FASTKD1: variants seen among roughly 807,000 people sequenced by gnomAD.
FASTKD1 encodes FAST kinase domains 1, also known as FAST kinase domain-containing protein 1, mitochondrial.
A neutral mutation model predicts 90.9 loss-of-function variants in FASTKD1; 94 were observed. The ratio of observed to expected loss-of-function variants is 1.03; its 90% confidence interval spans 0.88 to 1.23. The LOEUF (loss-of-function observed/expected upper bound fraction) is 1.23, where lower values mean the gene tolerates loss of function less well. Ranked by LOEUF, FASTKD1 falls within the 50% of genes most tolerant of loss-of-function variation. The pLI is 0.00. For synonymous variants in FASTKD1, 319 were observed against 345.8 expected, an observed-to-expected ratio of 0.92 and a Z score of 0.86; for missense variants, 945 against 993.5, an observed-to-expected ratio of 0.95 and a Z score of 0.66.
At chr2:169,569,361 T>A in intron 2 of FASTKD1, 109 bp from the exon 3 acceptor site, 1 of 1,008,768 alleles carries the variant, frequency 9.9e-7, no homozygotes, top group South Asian at 1.3e-5. Flanking sequence ...TTTCCTCTTA[T>A]ACAGGCAGTC....
At chr2:169,556,967 A>C (rs531295098) in intron 6 of FASTKD1, among the ~76,000 whole-genome samples, 80 of 152,222 alleles carry the variant, frequency 5.3e-4, no homozygotes, top group Admixed American at 5.9e-4. Flanking sequence ...AGATAGTGCC[A>C]CTGCACTCCA....
chr2:169,537,894 G>A (rs904194680), intron 11 of FASTKD1, 119 bp downstream of exon 11: 1 of 806,020 alleles, frequency 1.2e-6, no homozygotes, highest in South Asian at 1.9e-5. Context: ...ATATTAAACA[G>A]GTCATGGCAC....
chr2:169,565,509 G>A (rs1254297858), intron 3 of FASTKD1, among the ~76,000 whole-genome samples: 2 of 151,772 alleles, frequency 1.3e-5, no homozygotes, highest in East Asian at 1.9e-4. Flanking sequence ...TGATCCGCCC[G>A]CCTTGTCCTC....
At chr2:169,554,278 TAAAAAAAAAAAAAAAAAAAAAA>T (rs58641456) in intron 7 of FASTKD1, among the ~76,000 whole-genome samples, 7 of 29,782 alleles carry the variant, frequency 2.4e-4, no homozygotes, top group African/African-American at 3.3e-4. Flanking sequence ...ACCCTGTCTC[TAAAAAAAAAAAAAAAAAAAAAA>T]AAAAAAAAAA....
intron 3 of FASTKD1, 101 bp from the exon 4 acceptor site, chr2:169,563,451 C>A: frequency 1.2e-6 from 1 of 852,716 alleles, no homozygotes; most frequent in Non-Finnish European, 1.6e-6. Context: ...TAGTAAATTA[C>A]ATAAAATTTT....
rs192593409 is a variant in FASTKD1, at chr2:169,560,596, G to A, written c.762C>T (p.Asn254=). The A allele has an allele frequency of 2.1e-5, 34 of 1,607,872 alleles. 1 individual carries two copies. Among genetic ancestry groups the A allele is most frequent in the East Asian group, 2.0e-4 (9 of 44,702 alleles). ...GGTGGTCCACATTACTTAAAAATAC[G>A]TTATTACATCTTTCTAATAGTGGTT... ...RYQPLLERCN[N]VFLSNVDHLD... is the part of the protein sequence containing the mutation. Residue 254 remains asparagine, a synonymous_variant, in exon 5 of 15, where the codon AAC becomes AAT. Coordinates refer to ENST00000453153, the MANE Select transcript of FASTKD1 (RefSeq NM_024622.6).
chr2:169,571,975 T>C lies in FASTKD1; in HGVS notation c.55A>G (p.Arg19Gly). 1 of 1,612,018 alleles carries C rather than the reference T, an allele frequency of 6.2e-7. No individual in the cohort carries two copies. Among genetic ancestry groups the C allele is most frequent in the South Asian group, 1.1e-5 (1 of 90,460 alleles). The part of the protein sequence containing the change: ...ESLVTNMLRL[R>G]AICPFSWRVF... ...CTCCAGGAGAATGGACAAATAGCTC[T>C]TAGACGAAGCATATTTGTAACCAAT... is the stretch of plus-strand genomic sequence containing the variant. Residue 19 changes from arginine to glycine, a missense_variant, in exon 2 of 15, where the codon AGA becomes GGA. By Grantham distance (125) the Arg-to-Gly change is moderately radical. Transcript: ENST00000453153.
chr2:169,571,666 A>G lies in FASTKD1; in HGVS notation c.364T>C (p.Tyr122His), dbSNP rs113689973. 6.4e-4 allele frequency: 1,024 copies of G among 1,595,814 alleles called. 6 individuals carry two copies. In the African/African-American group the frequency reaches 0.012, roughly 18 times the overall value. Residue 122 changes from tyrosine to histidine, a missense_variant, in exon 2 of 15, where the codon TAC becomes CAC. By Grantham distance (83) the Tyr-to-His change is moderately conservative. Coordinates refer to ENST00000453153, the MANE Select transcript of FASTKD1 (RefSeq NM_024622.6). ...TAAATTACTTACTGTTGTGTGACGT[A>G]TAACACATTCACCAGGGTATCGTCA... ...MNDDTLVNVLYVTQQFAGEAH... is the reference protein window; with the variant it reads ...MNDDTLVNVLHVTQQFAGEAH...
chr2:169,541,808 G>A (rs1684969381), intron 9 of FASTKD1, among the ~76,000 whole-genome samples: 1 of 152,084 alleles, frequency 6.6e-6, no homozygotes, highest in Non-Finnish European at 1.5e-5. Context: ...AAGATCTGAG[G>A]AAACCAGTCT....
chr2:169,538,220 C>A, intron 10 of FASTKD1, 79 bp from the exon 11 acceptor site: 1 of 1,193,598 alleles, frequency 8.4e-7, no homozygotes, highest in Non-Finnish European at 1.2e-6. Flanking sequence ...ATTCATTTAT[C>A]CCCACTATTA....
intron 3 of FASTKD1, among the ~76,000 whole-genome samples, chr2:169,564,017 A>G (rs1330393171): frequency 1.3e-5 from 2 of 152,178 alleles, no homozygotes; most frequent in Non-Finnish European, 2.9e-5. Flanking sequence ...TTTGGGTGAG[A>G]GGACTAGAAG....
chr2:169,555,268 G>A lies in FASTKD1; in HGVS notation c.1083-13C>T, dbSNP rs199891036. On this transcript the variant is annotated splice_polypyrimidine_tract_variant and intron_variant, in intron 6 of 14. Transcript: ENST00000453153. ...AACTGAAGTAACTCTAAAAAGGATA[G>A]AGCATATATTATAACCAGTTCATTC... The A allele has an allele frequency of 4.1e-5, 66 of 1,597,952 alleles. No homozygotes were observed. The African/African-American group carries it at 8.2e-4, about 20-fold the overall frequency.
At chr2:169,548,357 C>T (rs2105369051) in intron 7 of FASTKD1, among the ~76,000 whole-genome samples, 1 of 151,570 alleles carries the variant, frequency 6.6e-6, no homozygotes, top group East Asian at 1.9e-4. Context: ...CATAGTTGAC[C>T]TCATTCTCTA....
intron 3 of FASTKD1, among the ~76,000 whole-genome samples, chr2:169,564,435 A>T (rs930427268): frequency 1.8e-4 from 28 of 152,052 alleles, no homozygotes; most frequent in East Asian, 5.8e-4. Flanking sequence ...TAAAAAAAAA[A>T]TTTTTTTTGT....
chr2:169,572,563 T>A (rs200035482), intron 1 of FASTKD1, among the ~76,000 whole-genome samples: 11 of 141,040 alleles, frequency 7.8e-5, no homozygotes, highest in Non-Finnish European at 1.4e-4. Flanking sequence ...TTTTTTTTTT[T>A]AATTTTTCAG....
intron 7 of FASTKD1, among the ~76,000 whole-genome samples, chr2:169,548,420 T>TA (rs35933613): frequency 0.61 from 87,278 of 142,830 alleles, 26,669 homozygotes; most frequent in East Asian, 0.81. Context: ...CAATAATTGT[T>TA]AAAAAAAAAA....
At chr2:169,543,240 G>A (rs1685035472) in intron 9 of FASTKD1, among the ~76,000 whole-genome samples, 1 of 152,272 alleles carries the variant, frequency 6.6e-6, no homozygotes, top group South Asian at 2.1e-4. Context: ...GAGGTGGGTG[G>A]ATCACCTAAA....
chr2:169,530,525 A>G, intron 14 of FASTKD1, 62 bp downstream of exon 14: 1 of 853,102 alleles, frequency 1.2e-6, no homozygotes, highest in South Asian at 1.7e-5. Flanking sequence ...ATTAAAAGGA[A>G]GCACATGTAC....
In FASTKD1 at chr2:169,528,800, C is replaced by G. The variant is rs570355578; in HGVS notation, c.*1025G>C. Among the ~76,000 whole-genome samples, 1 of 152,262 alleles carries G rather than the reference C, an allele frequency of 6.6e-6. No individual in the cohort carries two copies. Among genetic ancestry groups the G allele is most frequent in the Non-Finnish European group, 1.5e-5 (1 of 68,034 alleles). On this transcript the variant is annotated 3_prime_UTR_variant, in exon 15 of 15. Coordinates refer to ENST00000453153, the MANE Select transcript of FASTKD1 (RefSeq NM_024622.6). Reference sequence around the variant, plus strand: ...CCTGACCTATCAGCAGCATCTGATACAACTACTCACCTCCCCCTTGAAATG... The same window carrying G: ...CCTGACCTATCAGCAGCATCTGATAGAACTACTCACCTCCCCCTTGAAATG...
Sources: allele counts gnomAD v4.1 joint callset (sites outside exome capture counted in the v4.1 genomes callset), GRCh38; gene constraint gnomAD v4.1.1; transcripts MANE v1.5; gene names NCBI Gene and HGNC (gene_info 2026-07-23, HGNC 2026-07-21).